The following KCNE1 variants were observed in gnomAD, a reference collection of about 807,000 sequenced individuals.
KCNE1 encodes potassium voltage-gated channel subfamily E regulatory subunit 1, also known as potassium voltage-gated channel subfamily E member 1.
Under a neutral mutation model 2.9 loss-of-function variants are expected in KCNE1, and 1 was observed. The observed-to-expected ratio is 0.34, with a 90% CI of 0.12 to 1.62. The LOEUF (loss-of-function observed/expected upper bound fraction) is 1.62, where lower values mean the gene tolerates loss of function less well. KCNE1 is among the 40% of genes most tolerant of loss of function. The pLI, the probability that KCNE1 is intolerant of heterozygous loss-of-function variation, is 0.36. For synonymous variants in KCNE1, 23 were observed against 65.4 expected, an observed-to-expected ratio of 0.35 and a Z score of 3.13; for missense variants, 45 against 150.5, an observed-to-expected ratio of 0.30 and a Z score of 3.67.
At chr21:34,496,872 T>C (rs2123502734) in intron 2 of KCNE1, among the ~76,000 whole-genome samples, 1 of 152,344 alleles carries the variant, frequency 6.6e-6, no homozygotes, top group South Asian at 2.1e-4. Context: ...TTTAGGATTG[T>C]GATATTTTCC....
intron 2 of KCNE1, among the ~76,000 whole-genome samples, chr21:34,500,964 G>A (rs1321235516): frequency 6.6e-6 from 1 of 152,176 alleles, no homozygotes; most frequent in Non-Finnish European, 1.5e-5. Flanking sequence ...GCCAACTTCT[G>A]CTTTGGAGTG....
intron 2 of KCNE1, among the ~76,000 whole-genome samples, chr21:34,497,244 T>C (rs1982866950): frequency 6.6e-6 from 1 of 152,196 alleles, no homozygotes. Flanking sequence ...TTGTTGTTGT[T>C]TGTTTTTTCT....
At chr21:34,505,912 A>G (rs916542060) in intron 2 of KCNE1, among the ~76,000 whole-genome samples, 5 of 152,360 alleles carry the variant, frequency 3.3e-5, no homozygotes, top group East Asian at 1.9e-4. Context: ...CCTCCAAGTC[A>G]TTGCAACTTA....
rs1006772513 is a variant in KCNE1 at position 34,450,150 on chromosome 21, C to T, written c.-50-466G>A. On this transcript the variant is annotated intron_variant, in intron 3 of 3. Coordinates refer to ENST00000399286, the MANE Select transcript of KCNE1 (RefSeq NM_000219.6). Reference sequence around the variant, plus strand: ...AACACCCACTTCTTTTCTCTGCCTTCTCCCCCAGAGATGGACACTGCTGTG... The same window carrying T: ...AACACCCACTTCTTTTCTCTGCCTTTTCCCCCAGAGATGGACACTGCTGTG... Among the ~76,000 whole-genome samples, 5 of 79,736 alleles carry T rather than the reference C, an allele frequency of 6.3e-5. 1 individual carries two copies. Among genetic ancestry groups the T allele is most frequent in the Non-Finnish European group, 1.4e-4 (5 of 36,228 alleles). 52.3% of individuals were successfully genotyped at this position (79,736 alleles called of 152,430 possible). A position where few individuals can be genotyped will look rare whatever the true frequency, so the allele number is the denominator to read the frequency against.
chr21:34,510,535 G>C (rs927843540), intron 2 of KCNE1: 2 of 152,760 alleles, frequency 1.3e-5, no homozygotes, highest in Non-Finnish European at 2.9e-5. Context: ...AGATACTCAG[G>C]CTCTCTCCCC....
chr21:34,509,398 C>A (rs1983698603), intron 2 of KCNE1: 1 of 152,224 alleles, frequency 6.6e-6, no homozygotes, highest in South Asian at 2.1e-4. Context: ...AGTGTCCTCT[C>A]AGGGTTCACC....
intron 2 of KCNE1, among the ~76,000 whole-genome samples, chr21:34,501,663 A>G (rs41314833): frequency 2.2e-4 from 34 of 152,230 alleles, no homozygotes; most frequent in African/African-American, 7.7e-4. Context: ...CGTATGGGAG[A>G]AGAACCAGCA....
intron 2 of KCNE1, among the ~76,000 whole-genome samples, chr21:34,508,059 C>T (rs1156612328): frequency 6.6e-6 from 1 of 151,816 alleles, no homozygotes. Context: ...CAGGGTCTTG[C>T]TCTGTGGTCC....
At chr21:34,502,753 G>A (rs1336302591) in intron 2 of KCNE1, among the ~76,000 whole-genome samples, 3 of 152,198 alleles carry the variant, frequency 2.0e-5, no homozygotes, top group Non-Finnish European at 4.4e-5. Flanking sequence ...GACATGCTAA[G>A]GCAACTGGCC....
At chr21:34,506,006 T>A (rs1301067623) in intron 2 of KCNE1, among the ~76,000 whole-genome samples, 1 of 152,262 alleles carries the variant, frequency 6.6e-6, no homozygotes, top group African/African-American at 2.4e-5. Context: ...ATTTTGAAAT[T>A]ACTTCGACAT....
intron 2 of KCNE1, among the ~76,000 whole-genome samples, chr21:34,501,773 C>T (rs1252549148): frequency 6.6e-6 from 1 of 152,328 alleles, no homozygotes; most frequent in Non-Finnish European, 1.5e-5. Flanking sequence ...AACCCAGCCC[C>T]ATACTATGAT....
intron 2 of KCNE1, among the ~76,000 whole-genome samples, chr21:34,497,045 T>C (rs1178865503): frequency 6.6e-6 from 1 of 152,218 alleles, no homozygotes; most frequent in Admixed American, 6.5e-5. Flanking sequence ...CTTAAGTTTA[T>C]GTGAGTCCTT....
At chr21:34,505,758 G>A (rs1469543627) in intron 2 of KCNE1, among the ~76,000 whole-genome samples, 1 of 152,172 alleles carries the variant, frequency 6.6e-6, no homozygotes, top group Non-Finnish European at 1.5e-5. Flanking sequence ...TGATCCCCTC[G>A]CTTGAAATAA....
chr21:34,504,865 A>G (rs1601102540), intron 2 of KCNE1, among the ~76,000 whole-genome samples: 1 of 152,194 alleles, frequency 6.6e-6, no homozygotes, highest in Admixed American at 6.5e-5. Context: ...AGAAACAGAA[A>G]GAAGATTAGT....
chr21:34,497,434 T>C (rs1477821796), intron 2 of KCNE1, among the ~76,000 whole-genome samples: 1 of 152,200 alleles, frequency 6.6e-6, no homozygotes, highest in Non-Finnish European at 1.5e-5. Context: ...TCTCTTTCAT[T>C]TATGAAGCTT....
Position 34,511,077 on chromosome 21 carries a change from G to C in KCNE1, c.-162+24C>G, listed in dbSNP as rs41312971. On this transcript the variant is annotated intron_variant, in intron 2 of 3. Transcript: ENST00000399286. ...CAGAGGGTGCCTAACTGAGGAAAGG[G>C]TCTGTGCAACCCCCTTCTCCTACCA... 1,240 of 922,040 alleles carry C rather than the reference G, an allele frequency of 1.3e-3. 15 individuals carry two copies. The African/African-American group carries it at 0.019, about 14-fold the overall frequency. 57.1% of individuals were successfully genotyped at this position (922,040 alleles called of 1,614,324 possible). A position where few individuals can be genotyped will look rare whatever the true frequency, so the allele number is the denominator to read the frequency against.
intron 2 of KCNE1, among the ~76,000 whole-genome samples, chr21:34,504,107 C>A (rs895064851): frequency 6.6e-6 from 1 of 152,226 alleles, no homozygotes; most frequent in Non-Finnish European, 1.5e-5. Flanking sequence ...GATCCCCAGT[C>A]CCTAGGCCCC....
At chr21:34,501,191 T>A (rs1416784270) in intron 2 of KCNE1, among the ~76,000 whole-genome samples, 1 of 152,194 alleles carries the variant, frequency 6.6e-6, no homozygotes, top group East Asian at 1.9e-4. Flanking sequence ...CGAAATCTCA[T>A]GAAGAGGGTT....
At chr21:34,496,386 G>A (rs1476463648) in intron 2 of KCNE1, among the ~76,000 whole-genome samples, 4 of 152,132 alleles carry the variant, frequency 2.6e-5, no homozygotes, top group African/African-American at 9.7e-5. Context: ...TTCAAATACT[G>A]TTTAAATTTC....
Sources: gnomAD v4.1 joint callset for allele counts (sites outside exome capture counted in the v4.1 genomes callset) on GRCh38, gnomAD v4.1.1 for gene constraint, MANE v1.5 for transcripts, NCBI Gene and HGNC (gene_info 2026-07-23, HGNC 2026-07-21) for gene names.